SPON1: variants seen among roughly 807,000 people sequenced by gnomAD.
The protein encoded by SPON1 is spondin-1.
SPON1 carries 52 observed loss-of-function variants against 111.7 expected under a neutral mutation model. The observed-to-expected ratio is 0.47, with a 90% CI of 0.37 to 0.59. The LOEUF (loss-of-function observed/expected upper bound fraction) is 0.59, where lower values mean the gene tolerates loss of function less well. Among genes scored for constraint, SPON1 ranks in the 20% least tolerant of loss-of-function variants. The pLI is 0.00. For synonymous variants in SPON1, 410 were observed against 395.8 expected (o/e 1.04, Z -0.43); for missense variants, 957 against 1,068.5 (o/e 0.90, Z 1.46).
Position 14,113,568 on chromosome 11 carries a change from A to ATTT in SPON1, c.677-21802_677-21800dup, listed in dbSNP as rs782780924. The stretch of plus-strand genomic sequence containing the variant: ...AAGTCACCTCCTATGTACTTTTTAA[A>ATTT]TTTTTTTTTTTTTTTTTTTTTTTTT... On this transcript the variant is annotated intron_variant, in intron 5 of 15. Coordinates refer to ENST00000576479, the MANE Select transcript of SPON1 (RefSeq NM_006108.4). Among the ~76,000 whole-genome samples, 157 of 74,644 alleles carry ATTT rather than the reference A, an allele frequency of 2.1e-3. 9 individuals are homozygous for ATTT. Among genetic ancestry groups the ATTT allele is most frequent in the Non-Finnish European group, 3.4e-3 (129 of 37,680 alleles). The allele number at this position is 74,644 out of a possible 152,430, so 49.0% of individuals were successfully genotyped here. A position where few individuals can be genotyped will look rare whatever the true frequency, so the allele number is the denominator to read the frequency against.
chr11:14,090,253 C>T (rs999540739), intron 5 of SPON1, among the ~76,000 whole-genome samples: 4 of 151,796 alleles, frequency 2.6e-5, no homozygotes, highest in African/African-American at 9.7e-5. Flanking sequence ...CCCAAACAGC[C>T]GCCCAGTTTT....
chr11:14,126,797 C>T (rs527550710), intron 5 of SPON1, among the ~76,000 whole-genome samples: 28 of 152,250 alleles, frequency 1.8e-4, no homozygotes, highest in Admixed American at 6.5e-4. Context: ...TTTTCCCAGC[C>T]CTCCTGATAC....
At chr11:13,967,889 G>A (rs1302486810) in intron 1 of SPON1, among the ~76,000 whole-genome samples, 1 of 152,064 alleles carries the variant, frequency 6.6e-6, no homozygotes, top group Non-Finnish European at 1.5e-5. Flanking sequence ...TAATGGTTGT[G>A]GAGATTGTTT....
intron 6 of SPON1, among the ~76,000 whole-genome samples, chr11:14,227,536 C>A (rs1196267654): frequency 1.3e-5 from 2 of 152,206 alleles, no homozygotes; most frequent in African/African-American, 4.8e-5. Context: ...GGGATGGATG[C>A]AGACCACTGA....
At chr11:14,126,311 T>C (rs568607215) in intron 5 of SPON1, among the ~76,000 whole-genome samples, 252 of 152,324 alleles carry the variant, frequency 1.7e-3, no homozygotes, top group Admixed American at 3.9e-3. Context: ...CCCTGTCTCC[T>C]TCAACACTAG....
intron 6 of SPON1, among the ~76,000 whole-genome samples, chr11:14,235,518 C>A (rs1325803649): frequency 3.3e-5 from 5 of 151,396 alleles, no homozygotes; most frequent in Admixed American, 1.3e-4. Context: ...ATCTCTACAA[C>A]TAATTTTAAA....
chr11:13,978,734 T>C (rs1848121350), intron 1 of SPON1, among the ~76,000 whole-genome samples: 1 of 152,216 alleles, frequency 6.6e-6, no homozygotes, highest in South Asian at 2.1e-4. Context: ...TTTTGAAGTT[T>C]GCAGAATGGA....
intron 1 of SPON1, among the ~76,000 whole-genome samples, chr11:13,964,090 C>A (rs1248541493): frequency 6.6e-6 from 1 of 152,182 alleles, no homozygotes; most frequent in African/African-American, 2.4e-5. Flanking sequence ...GATCTGAAGA[C>A]GCCTGACTCT....
chr11:14,150,166 G>A (rs1554929758), intron 6 of SPON1, among the ~76,000 whole-genome samples: 5 of 152,166 alleles, frequency 3.3e-5, no homozygotes, highest in African/African-American at 7.2e-5. Context: ...GCCATCATTT[G>A]AGGCAATGTA....
intron 6 of SPON1, among the ~76,000 whole-genome samples, chr11:14,241,294 G>A (rs1848923784): frequency 6.6e-6 from 1 of 152,194 alleles, no homozygotes; most frequent in East Asian, 1.9e-4. Flanking sequence ...AAGTGGAGCA[G>A]AACTAGATGA....
intron 3 of SPON1, among the ~76,000 whole-genome samples, chr11:14,067,981 G>T (rs564781930): frequency 6.6e-6 from 1 of 152,334 alleles, no homozygotes; most frequent in South Asian, 2.1e-4. Flanking sequence ...ACACAGCTTT[G>T]TGGCACTTAC....
chr11:14,259,415 A>C lies in SPON1; in HGVS notation c.1628A>C (p.Glu543Ala), dbSNP rs1554941649. ...GGCTCCGTGTGCACGCTGCCCACTGAGGAAACGGAGAAGTGCACGGTCAAC... is the reference window on the plus strand; with the variant it reads ...GGCTCCGTGTGCACGCTGCCCACTGCGGAAACGGAGAAGTGCACGGTCAAC... ...EDGSVCTLPTEETEKCTVNEE... is the reference protein window; with the variant it reads ...EDGSVCTLPTAETEKCTVNEE... Residue 543 changes from glutamate to alanine, a missense_variant, in exon 12 of 16, where the codon GAG (glutamate) becomes GCG (alanine). Physicochemically the swap from Glu to Ala is moderately radical, Grantham distance 107. Transcript: ENST00000576479. The surrounding 1 kb of genome is among the most constrained non-coding windows in gnomAD (Gnocchi z 5.0). The C allele has an allele frequency of 6.2e-7, 1 of 1,610,684 alleles. No individual in the cohort carries two copies. Among genetic ancestry groups the C allele is most frequent in the Non-Finnish European group, 8.5e-7 (1 of 1,178,802 alleles).
intron 7 of SPON1, among the ~76,000 whole-genome samples, chr11:14,246,130 T>G (rs782772904): frequency 4.3e-4 from 66 of 152,076 alleles, no homozygotes; most frequent in Non-Finnish European, 7.8e-4. Flanking sequence ...TGGGTACCAA[T>G]TTTTACACCA....
At chr11:14,103,708 C>T (rs1009101048) in intron 5 of SPON1, among the ~76,000 whole-genome samples, 26 of 152,138 alleles carry the variant, frequency 1.7e-4, no homozygotes, top group Admixed American at 1.5e-3. Context: ...GCTAATTCAC[C>T]GTCTTATCAG....
chr11:14,048,429 T>C (rs1359115164), intron 3 of SPON1, among the ~76,000 whole-genome samples: 1 of 152,212 alleles, frequency 6.6e-6, no homozygotes, highest in African/African-American at 2.4e-5. Flanking sequence ...TGAATGTCTA[T>C]AGATGACAGC....
chr11:13,989,391 G>A (rs782780853), intron 2 of SPON1, among the ~76,000 whole-genome samples: 17 of 152,116 alleles, frequency 1.1e-4, no homozygotes, highest in African/African-American at 1.7e-4. Flanking sequence ...GATCAGTAGT[G>A]ATATCCCCTA....
At chr11:14,260,801 C>T in intron 14 of SPON1, 49 bp downstream of exon 14, 1 of 1,577,202 alleles carries the variant, frequency 6.3e-7, no homozygotes, top group South Asian at 1.2e-5. Flanking sequence ...TTCCTGAGTC[C>T]AGGGAGCCCC....
chr11:14,139,691 G>A (rs915334118), intron 6 of SPON1, among the ~76,000 whole-genome samples: 3 of 144,668 alleles, frequency 2.1e-5, no homozygotes, highest in East Asian at 2.0e-4. Flanking sequence ...TAACAGTGGA[G>A]AAAAGGAAAA....
At chr11:14,238,764 C>A (rs1554939419) in intron 6 of SPON1, among the ~76,000 whole-genome samples, 1 of 152,192 alleles carries the variant, frequency 6.6e-6, no homozygotes, top group East Asian at 1.9e-4. Flanking sequence ...TGTATCCCCA[C>A]AATATGCTTA....
Sources: allele counts gnomAD v4.1 joint callset (sites outside exome capture counted in the v4.1 genomes callset), GRCh38; gene constraint gnomAD v4.1.1; non-coding constraint Gnocchi (gnomAD v3.1); transcripts MANE v1.5; gene names NCBI Gene and HGNC (gene_info 2026-07-23, HGNC 2026-07-21).